The following SMARCC1 variants were observed in gnomAD, a reference collection of about 807,000 sequenced individuals.
SMARCC1 encodes the protein SWI/SNF complex subunit SMARCC1.
A neutral mutation model predicts 147.4 loss-of-function variants in SMARCC1; 43 were observed. The observed-to-expected ratio is 0.29, with a 90% confidence interval of 0.23 to 0.38. The LOEUF (loss-of-function observed/expected upper bound fraction) is 0.38, where lower values mean the gene tolerates loss of function less well. Among genes scored for constraint, SMARCC1 ranks in the 10% least tolerant of loss-of-function variants. SMARCC1 has a pLI of 1.00. For synonymous variants in SMARCC1, 495 were observed against 484.4 expected (o/e 1.02, Z -0.29); for missense variants, 1,119 against 1,381.1 (o/e 0.81, Z 3.01).
chr3:47,638,130 G>A (rs2032995913), intron 22 of SMARCC1, among the ~76,000 whole-genome samples: 1 of 152,012 alleles, frequency 6.6e-6, no homozygotes, highest in Non-Finnish European at 1.5e-5. Context: ...TCGCTCTGTC[G>A]CCCAGGATGG....
At chr3:47,652,623 C>CAA (rs11377736) in intron 21 of SMARCC1, among the ~76,000 whole-genome samples, 4,490 of 134,706 alleles carry the variant, frequency 0.033, 118 homozygotes, top group African/African-American at 0.066. Context: ...CTTGCTTTTG[C>CAA]AAAAAAAAAA....
At chr3:47,674,028 G>A (rs893606010) in intron 18 of SMARCC1, among the ~76,000 whole-genome samples, 3 of 152,116 alleles carry the variant, frequency 2.0e-5, no homozygotes, top group Admixed American at 1.3e-4. Context: ...ATCCAGTCAG[G>A]TCCCAAACTG....
At chr3:47,602,771 A>C (rs571356612) in intron 26 of SMARCC1, among the ~76,000 whole-genome samples, 1 of 152,358 alleles carries the variant, frequency 6.6e-6, no homozygotes, top group East Asian at 1.9e-4. Flanking sequence ...TCACACATAG[A>C]GTACACACGA....
intron 2 of SMARCC1, among the ~76,000 whole-genome samples, chr3:47,759,957 A>C (rs1206414584): frequency 8.6e-5 from 13 of 151,944 alleles, no homozygotes. Flanking sequence ...AAGAAAAAGA[A>C]AAAATGTATC....
At chr3:47,609,204 A>G (rs573466144) in intron 26 of SMARCC1, among the ~76,000 whole-genome samples, 1 of 152,324 alleles carries the variant, frequency 6.6e-6, no homozygotes, top group Admixed American at 6.5e-5. Flanking sequence ...TATGTAAAGA[A>G]TAAGACTCCC....
intron 25 of SMARCC1, among the ~76,000 whole-genome samples, chr3:47,616,596 C>T (rs947835921): frequency 6.6e-6 from 1 of 152,036 alleles, no homozygotes; most frequent in Admixed American, 6.6e-5. Context: ...CAGGCGCCCA[C>T]CATCACGCCC....
intron 26 of SMARCC1, among the ~76,000 whole-genome samples, chr3:47,602,914 C>T (rs2032411871): frequency 6.6e-6 from 1 of 152,114 alleles, no homozygotes; most frequent in Non-Finnish European, 1.5e-5. Flanking sequence ...CTTTGGGAGG[C>T]CAAGGCGAGA....
chr3:47,762,658 A>C (rs2034787832), intron 2 of SMARCC1, among the ~76,000 whole-genome samples: 1 of 152,372 alleles, frequency 6.6e-6, no homozygotes, highest in East Asian at 1.9e-4. Context: ...ACAGTGGCTC[A>C]CACCTGTAAT....
intron 25 of SMARCC1, among the ~76,000 whole-genome samples, chr3:47,612,056 T>C (rs543070041): frequency 1.3e-5 from 2 of 152,294 alleles, no homozygotes; most frequent in Admixed American, 1.3e-4. Context: ...CTTCATTTTC[T>C]GGGAAAGGTA....
chr3:47,661,795 AT>A (rs2033351031), intron 20 of SMARCC1, among the ~76,000 whole-genome samples: 2 of 152,126 alleles, frequency 1.3e-5, no homozygotes, highest in Non-Finnish European at 2.9e-5. Context: ...AGGATTAAAC[AT>A]CCATAAAACC....
chr3:47,590,615 C>T, intron 27 of SMARCC1, 46 bp downstream of exon 27: 2 of 1,458,852 alleles, frequency 1.4e-6, no homozygotes, highest in Non-Finnish European at 9.1e-7. Context: ...CTACAGCCCT[C>T]CAGAACGGAC....
intron 21 of SMARCC1, among the ~76,000 whole-genome samples, chr3:47,644,569 A>C (rs966004505): frequency 1.3e-5 from 2 of 152,116 alleles, no homozygotes; most frequent in African/African-American, 4.8e-5. Flanking sequence ...GTGCAGTAAC[A>C]TGCTCCCAGC....
At chr3:47,649,590 A>T (rs34786222) in intron 21 of SMARCC1, among the ~76,000 whole-genome samples, 6 of 152,182 alleles carry the variant, frequency 3.9e-5, no homozygotes, top group Non-Finnish European at 2.9e-5. Flanking sequence ...ATATATTTTT[A>T]AAAACTCTTG....
chr3:47,729,476 C>G (rs2034342658), intron 5 of SMARCC1, among the ~76,000 whole-genome samples: 1 of 152,168 alleles, frequency 6.6e-6, no homozygotes, highest in Admixed American at 6.6e-5. Context: ...TCCTCCGTCT[C>G]CTGGGTTCAA....
chr3:47,639,538 CCT>C (rs1308252068), intron 21 of SMARCC1, among the ~76,000 whole-genome samples: 3 of 152,022 alleles, frequency 2.0e-5, no homozygotes, highest in South Asian at 2.1e-4. Flanking sequence ...TTGGTGAAAC[CCT>C]GTTTCTACTA....
chr3:47,753,183 G>A (rs1051706598), intron 2 of SMARCC1, among the ~76,000 whole-genome samples: 1 of 151,802 alleles, frequency 6.6e-6, no homozygotes, highest in African/African-American at 2.4e-5. Flanking sequence ...ATCTTAGTCG[G>A]ACGTGGTGGG....
chr3:47,747,262 C>T (rs531063569), intron 2 of SMARCC1, among the ~76,000 whole-genome samples: 6 of 151,510 alleles, frequency 4.0e-5, no homozygotes, highest in Admixed American at 2.0e-4. Context: ...GGTGAAACCC[C>T]GTCTCAACAA....
chr3:47,676,796 C>T lies in SMARCC1; in HGVS notation c.1572-14G>A. 6.2e-7 allele frequency: 1 copy of T among 1,609,960 alleles called. No individual in the cohort carries two copies. Among genetic ancestry groups the T allele is most frequent in the Non-Finnish European group, 8.5e-7 (1 of 1,178,546 alleles). On this transcript the variant is annotated splice_polypyrimidine_tract_variant and intron_variant, in intron 16 of 27. Transcript: ENST00000254480. ...AAGGCATGGACCCTAAAGAATAAAG[C>T]TCGGAAAGTTAAAATCTAAAGAATC...
In SMARCC1 at chr3:47,680,659, T is replaced by C. The variant is rs1056308291; in HGVS notation, c.1386-151A>G. On this transcript the variant is annotated intron_variant, in intron 14 of 27. Coordinates refer to ENST00000254480, the MANE Select transcript of SMARCC1 (RefSeq NM_003074.4). The stretch of plus-strand genomic sequence containing the variant: ...GCCTCCCGGGTTCACGCCATTCTCC[T>C]GCCTCAGCCTCCCAAGTAGCTGGGA... 28 of 440,722 alleles carry C rather than the reference T, an allele frequency of 6.4e-5. 1 individual carries two copies. Among genetic ancestry groups the C allele is most frequent in the African/African-American group, 8.8e-5 (4 of 45,538 alleles). 27.3% of individuals were successfully genotyped at this position (440,722 alleles called of 1,614,324 possible). A position where few individuals can be genotyped will look rare whatever the true frequency, so the allele number is the denominator to read the frequency against.
Sources: allele counts gnomAD v4.1 joint callset (sites outside exome capture counted in the v4.1 genomes callset), GRCh38; gene constraint gnomAD v4.1.1; transcripts MANE v1.5; gene names NCBI Gene and HGNC (gene_info 2026-07-23, HGNC 2026-07-21).